The following PHLDB2 variants were observed in gnomAD, a reference collection of about 807,000 sequenced individuals.
The protein encoded by PHLDB2 is pleckstrin homology-like domain family B member 2.
In PHLDB2, 71 loss-of-function variants were observed where a neutral mutation model predicts 123.6. The ratio of observed to expected loss-of-function variants is 0.57; its 90% confidence interval spans 0.47 to 0.70. The LOEUF (loss-of-function observed/expected upper bound fraction) is 0.70, where lower values mean the gene tolerates loss of function less well. Among genes scored for constraint, PHLDB2 ranks in the 30% least tolerant of loss-of-function variants. PHLDB2 has a pLI of 0.00. For synonymous variants in PHLDB2, 547 were observed against 541.6 expected (o/e 1.01, Z -0.14); for missense variants, 1,446 against 1,519.5 (o/e 0.95, Z 0.80).
At chr3:111,788,371 A>T (rs565497178) in intron 1 of PHLDB2, among the ~76,000 whole-genome samples, 2 of 152,306 alleles carry the variant, frequency 1.3e-5, no homozygotes, top group East Asian at 3.9e-4. Context: ...AGAGTCTGGG[A>T]CTTTTGTGTG....
chr3:111,966,708 G>A lies in PHLDB2; in HGVS notation c.3168+5G>A. On this transcript the variant is annotated splice_donor_5th_base_variant and intron_variant, in intron 14 of 17. Coordinates refer to ENST00000431670, the MANE Select transcript of PHLDB2 (RefSeq NM_001134438.2). ...ACGCGGCTGCTCGAATCCAGGGTAA[G>A]CTTCATATTTTCATGCCGGAGGTCT... 1 of 1,610,810 alleles carries A rather than the reference G, an allele frequency of 6.2e-7. No homozygotes were observed. Among genetic ancestry groups the A allele is most frequent in the Non-Finnish European group, 8.5e-7 (1 of 1,178,260 alleles).
intron 3 of PHLDB2, chr3:111,916,134 C>G (rs1341814561): frequency 6.6e-6 from 1 of 152,166 alleles, no homozygotes; most frequent in Non-Finnish European, 1.5e-5. Context: ...ACGAGCAGAT[C>G]TTGGCAGATG....
chr3:111,847,609 C>T (rs2064053792), intron 2 of PHLDB2, among the ~76,000 whole-genome samples: 1 of 152,120 alleles, frequency 6.6e-6, no homozygotes, highest in African/African-American at 2.4e-5. Context: ...TTGATACTTC[C>T]AGACCCTCTT....
intron 13 of PHLDB2, 84 bp from the exon 14 acceptor site, chr3:111,966,529 T>TGTGTGTGTGTGTGTCTGGG (rs2071780018): frequency 6.6e-5 from 12 of 182,410 alleles, no homozygotes; most frequent in Middle Eastern, 2.3e-3. Flanking sequence ...GTGTCTGGGG[T>TGTGTGTGTGTGTGTCTGGG]GTGTGTGTGT....
chr3:111,974,577 C>T lies in PHLDB2; in HGVS notation c.*14C>T. The T allele has an allele frequency of 3.1e-6, 5 of 1,602,238 alleles. No individual in the cohort carries two copies. The highest frequency in any genetic ancestry group is 4.3e-6 in the Non-Finnish European group (5 of 1,174,502). ...TTCTTGTTGTAGTGAACTGAGGCAACAGTCCACTTCAGGGCAGACGGCAAT... is the reference window on the plus strand; with the variant it reads ...TTCTTGTTGTAGTGAACTGAGGCAATAGTCCACTTCAGGGCAGACGGCAAT... On this transcript the variant is annotated 3_prime_UTR_variant, in exon 18 of 18. Transcript: ENST00000431670.
intron 1 of PHLDB2, among the ~76,000 whole-genome samples, chr3:111,750,527 A>G (rs9834030): frequency 0.5 from 76,012 of 152,052 alleles, 19,606 homozygotes; most frequent in African/African-American, 0.62. Context: ...GACGTAATCA[A>G]GACCTTAAAG....
At chr3:111,805,085 C>G (rs77174113) in intron 1 of PHLDB2, among the ~76,000 whole-genome samples, 302 of 152,244 alleles carry the variant, frequency 2.0e-3, no homozygotes, top group African/African-American at 7.1e-3. Context: ...TTTCTTAACA[C>G]GTTAAACATA....
At chr3:111,845,172 G>A (rs1018150693) in intron 1 of PHLDB2, among the ~76,000 whole-genome samples, 1 of 151,870 alleles carries the variant, frequency 6.6e-6, no homozygotes, top group Admixed American at 6.6e-5. Flanking sequence ...GGCCAATATG[G>A]TGAAACCCCG....
intron 1 of PHLDB2, among the ~76,000 whole-genome samples, chr3:111,761,246 C>T (rs4603931): frequency 0.99 from 149,757 of 151,764 alleles, 73,923 homozygotes; most frequent in Middle Eastern, 1. Flanking sequence ...GCTTTGTGAT[C>T]CTCCTATTCC....
chr3:111,732,770 G>T, intron 1 of PHLDB2: 2 of 1,334,614 alleles, frequency 1.5e-6, no homozygotes, highest in Non-Finnish European at 2.1e-6. Flanking sequence ...ATACAGCCTC[G>T]TCACCAGAGT....
In PHLDB2 at chr3:111,975,800, C is replaced by A. The variant is rs2072465004; in HGVS notation, c.*1237C>A. ...GAATGTGCTCTTTCCTAAAACATGG[C>A]AAATGAATAGATGTAGAGAATAACA... On this transcript the variant is annotated 3_prime_UTR_variant, in exon 18 of 18. Coordinates refer to ENST00000431670, the MANE Select transcript of PHLDB2 (RefSeq NM_001134438.2). The A allele has an allele frequency of 6.6e-6, 1 of 152,478 alleles. No individual in the cohort carries two copies. Among genetic ancestry groups the A allele is most frequent in the Non-Finnish European group, 1.5e-5 (1 of 68,008 alleles). 9.4% of individuals were successfully genotyped at this position (152,478 alleles called of 1,614,324 possible).
chr3:111,787,443 A>C (rs909557680), intron 1 of PHLDB2, among the ~76,000 whole-genome samples: 8 of 152,140 alleles, frequency 5.3e-5, no homozygotes, highest in South Asian at 2.1e-4. Flanking sequence ...CTTGGGTTTC[A>C]AATGCTGAAA....
intron 5 of PHLDB2, among the ~76,000 whole-genome samples, chr3:111,931,258 C>T (rs1039308): frequency 0.3 from 45,646 of 152,074 alleles, 7,327 homozygotes; most frequent in Middle Eastern, 0.38. Context: ...GATGGTGTTA[C>T]ACAAGAAGAC....
intron 16 of PHLDB2, among the ~76,000 whole-genome samples, chr3:111,970,451 G>A (rs1028002584): frequency 3.9e-5 from 6 of 152,116 alleles, no homozygotes; most frequent in Admixed American, 6.6e-5. Context: ...TTAGGCAGCC[G>A]TAGCTGAAAA....
chr3:111,940,618 G>T lies in PHLDB2; in HGVS notation c.2370G>T (p.Lys790Asn), dbSNP rs758080299. 1.7e-5 allele frequency: 27 copies of T among 1,599,606 alleles called. No individual in the cohort carries two copies. The highest frequency in any genetic ancestry group is 2.7e-5 in the African/African-American group (2 of 74,366). The change falls in exon 8 of 18, where the codon AAG becomes AAT. Residue 790 changes from lysine to asparagine, a missense_variant. By Grantham distance (94) the Lys-to-Asn change is moderately conservative. Coordinates refer to ENST00000431670, the MANE Select transcript of PHLDB2 (RefSeq NM_001134438.2). ...AGCAAGATCATTTTGTGAAAGAAAA[G>T]AATAATTTAATAATGATGTTGCAAA... is the stretch of plus-strand genomic sequence containing the variant. ...QREQDHFVKE[K>N]NNLIMMLQRE... is the part of the protein sequence containing the mutation.
intron 2 of PHLDB2, among the ~76,000 whole-genome samples, chr3:111,898,026 A>G (rs2943237): frequency 0.022 from 3,419 of 152,262 alleles, 129 homozygotes; most frequent in African/African-American, 0.077. Context: ...TTATTGCTTA[A>G]AAAAATACTA....
chr3:111,958,251 C>T, intron 12 of PHLDB2: 10 of 987,282 alleles, frequency 1.0e-5, no homozygotes, highest in Non-Finnish European at 1.2e-5. Flanking sequence ...GTGCCCTCTT[C>T]TTCTGGCTGT....
chr3:111,890,345 A>T (rs1045544267), intron 2 of PHLDB2, among the ~76,000 whole-genome samples: 3 of 152,218 alleles, frequency 2.0e-5, no homozygotes, highest in Non-Finnish European at 4.4e-5. Flanking sequence ...GTGATGTTCT[A>T]CTGCCATTTG....
intron 2 of PHLDB2, among the ~76,000 whole-genome samples, chr3:111,908,801 C>G (rs1008887842): frequency 2.0e-5 from 3 of 152,164 alleles, no homozygotes; most frequent in African/African-American, 7.2e-5. Flanking sequence ...TCTGTTTTCC[C>G]TCCTTTCTGT....
Sources: gnomAD v4.1 joint callset for allele counts (sites outside exome capture counted in the v4.1 genomes callset) on GRCh38, gnomAD v4.1.1 for gene constraint, MANE v1.5 for transcripts, NCBI Gene and HGNC (gene_info 2026-07-23, HGNC 2026-07-21) for gene names.